The following PPP4R3A variants were observed in gnomAD, a reference collection of about 807,000 sequenced individuals.
PPP4R3A encodes the protein protein phosphatase 4 regulatory subunit 3A, also known as serine/threonine-protein phosphatase 4 regulatory subunit 3A.
In PPP4R3A, 15 loss-of-function variants were observed where a neutral mutation model predicts 91.7. The ratio of observed to expected loss-of-function variants is 0.16; its 90% CI spans 0.11 to 0.25. PPP4R3A has a LOEUF of 0.25. Among genes scored for constraint, PPP4R3A ranks in the 10% least tolerant of loss-of-function variants. The probability of loss-of-function intolerance (pLI) is 1.00; values close to 1 mark genes in which losing one functional copy is unlikely to be tolerated. For synonymous variants in PPP4R3A, 377 were observed against 348.7 expected, an observed-to-expected ratio of 1.08 and a Z score of -0.91; for missense variants, 623 against 998.4, an observed-to-expected ratio of 0.62 and a Z score of 5.07.
intron 10 of PPP4R3A, among the ~76,000 whole-genome samples, chr14:91,470,209 T>C (rs557708629): frequency 1.1e-4 from 17 of 152,338 alleles, no homozygotes; most frequent in Middle Eastern, 3.4e-3. Context: ...TTACCTGAGA[T>C]GTCTGGCTGC....
rs1217354049 is a variant in PPP4R3A at position 91,493,327 on chromosome 14, AAAAG to A, written c.143-2529_143-2526del. ...GACTCTGCCTCAAAAAAAAAAAAGAAAAAGAAAGAAAAAATAAATTAGCTGGATG... is the reference window on the plus strand; with the variant it reads ...GACTCTGCCTCAAAAAAAAAAAAGAAAAAGAAAAAATAAATTAGCTGGATG... On this transcript the variant is annotated intron_variant, in intron 1 of 14. Coordinates refer to ENST00000554943, the MANE Select transcript of PPP4R3A (RefSeq NM_001366432.2). 4.0e-5 allele frequency among the ~76,000 whole-genome samples: 6 copies of A among 150,862 alleles called. No homozygotes were observed. In the South Asian group the frequency reaches 1.0e-3, roughly 26 times the overall value.
chr14:91,476,033 T>G (rs1889184355), intron 6 of PPP4R3A, 67 bp from the exon 7 acceptor site: 1 of 1,416,408 alleles, frequency 7.1e-7, no homozygotes, highest in South Asian at 1.7e-5. Flanking sequence ...TATGTAAATA[T>G]CCAAACCTAA....
chr14:91,494,440 C>T (rs28378980), intron 1 of PPP4R3A, among the ~76,000 whole-genome samples: 74,738 of 152,008 alleles, frequency 0.49, 18,702 homozygotes, highest in Admixed American at 0.53. Flanking sequence ...ATATAAAGGA[C>T]TCTTACAACT....
chr14:91,458,930 T>C, intron 14 of PPP4R3A, 61 bp from the exon 15 acceptor site: 1 of 1,505,254 alleles, frequency 6.6e-7, no homozygotes, highest in East Asian at 2.5e-5. Context: ...ACACTGGTGT[T>C]TTCTGGCTGG....
At chr14:91,490,932 C>A in intron 1 of PPP4R3A, 130 bp from the exon 2 acceptor site, 1 of 351,672 alleles carries the variant, frequency 2.8e-6, no homozygotes. Context: ...TGAGACAGGG[C>A]TTCTCTCTGT....
intron 1 of PPP4R3A, among the ~76,000 whole-genome samples, chr14:91,507,027 T>C (rs1027049477): frequency 6.6e-6 from 1 of 151,974 alleles, no homozygotes; most frequent in Non-Finnish European, 1.5e-5. Context: ...ATGGTAAAAA[T>C]ATAAATGGAG....
Position 91,473,085 on chromosome 14 carries a change from A to G in PPP4R3A, c.1449T>C (p.His483=). The G allele has an allele frequency of 6.2e-7, 1 of 1,614,176 alleles. No individual in the cohort carries two copies. The highest frequency in any genetic ancestry group is 8.5e-7 in the Non-Finnish European group (1 of 1,180,022). Residue 483 remains histidine, a synonymous_variant, in exon 9 of 15, where the codon CAT becomes CAC. Transcript: ENST00000554943. ...TTGCTAGTAAAGGAGCAGTGAGAAC[A>G]TGCATACAGTGCTTGTAGAAGAAAC... The part of the protein sequence containing the change: ...FLGFFYKHCM[H]VLTAPLLANT...
chr14:91,489,272 A>G (rs539650199), intron 2 of PPP4R3A, among the ~76,000 whole-genome samples: 3 of 152,292 alleles, frequency 2.0e-5, no homozygotes, highest in South Asian at 4.1e-4. Flanking sequence ...GGGTGAAAGG[A>G]ACAACCTGCC....
At chr14:91,506,933 G>C (rs1395738031) in intron 1 of PPP4R3A, among the ~76,000 whole-genome samples, 2 of 152,138 alleles carry the variant, frequency 1.3e-5, no homozygotes, top group Non-Finnish European at 2.9e-5. Flanking sequence ...CTCCCTGCTA[G>C]ATAAAAATTA....
chr14:91,507,212 T>G (rs55644249), intron 1 of PPP4R3A, among the ~76,000 whole-genome samples: 3,450 of 150,840 alleles, frequency 0.023, 139 homozygotes, highest in African/African-American at 0.079. Flanking sequence ...TCCCAGCTAC[T>G]AAGGAGGCTG....
Position 91,470,745 on chromosome 14 carries a change from C to A in PPP4R3A, c.1660+92G>T, listed in dbSNP as rs549694494. ...TAGTATTACGACCTAGATCTCCTGA[C>A]CTGTAATCAGTGGTCTTTTCATTTG... On this transcript the variant is annotated intron_variant, in intron 10 of 14. Transcript: ENST00000554943. The A allele has an allele frequency of 6.3e-6, 9 of 1,428,222 alleles. No homozygotes were observed. In the African/African-American group the frequency reaches 1.2e-4, roughly 18 times the overall value. The allele number at this position is 1,428,222 out of a possible 1,614,324, so 88.5% of individuals were successfully genotyped here.
intron 2 of PPP4R3A, among the ~76,000 whole-genome samples, chr14:91,488,915 T>C (rs556931250): frequency 6.7e-6 from 1 of 149,492 alleles, no homozygotes; most frequent in Non-Finnish European, 1.5e-5. Context: ...CACTTTTTTT[T>C]TTTTTTTTTT....
At position 91,504,936 on chromosome 14, in the gene PPP4R3A, G is replaced by A. The variant is rs1303179509; in HGVS notation, c.142+4570C>T. On this transcript the variant is annotated intron_variant, in intron 1 of 14. Coordinates refer to ENST00000554943, the MANE Select transcript of PPP4R3A (RefSeq NM_001366432.2). ...GAGATAGCATTATTATAGCTTCCCC[G>A]TCCACAAATATAGACCCAATAATGA... Among the ~76,000 whole-genome samples the A allele has an allele frequency of 3.3e-5, 5 of 152,182 alleles. No individual in the cohort carries two copies. The South Asian group carries it at 1.0e-3, about 32-fold the overall frequency.
intron 10 of PPP4R3A, among the ~76,000 whole-genome samples, chr14:91,465,626 C>T (rs550017668): frequency 6.6e-6 from 1 of 152,212 alleles, no homozygotes; most frequent in Admixed American, 6.5e-5. Context: ...TAGTATATGT[C>T]ATCATAGAAC....
intron 4 of PPP4R3A, 106 bp from the exon 5 acceptor site, chr14:91,477,092 T>G: frequency 1.3e-6 from 1 of 767,640 alleles, no homozygotes. Flanking sequence ...AAAGGAAAGG[T>G]GGTATTGGCA....
chr14:91,475,956 T>C lies in PPP4R3A; in HGVS notation c.1121A>G (p.Asp374Gly). The C allele has an allele frequency of 6.3e-7, 1 of 1,582,648 alleles. No homozygotes were observed. The highest frequency in any genetic ancestry group is 8.5e-7 in the Non-Finnish European group (1 of 1,170,630). ...AGTAGCAGCACTTCGCACCTGTGTA[T>C]CATCCATGCCCTGCAGACAAAAAAC... ...PALEVILGMD[D>G]TQVRSAATDI... The change falls in exon 7 of 15, where the codon GAT becomes GGT. Residue 374 changes from aspartate to glycine, a missense_variant. This residue lies in a region of PPP4R3A where 264 missense variants were observed against 377.3 expected (regional missense o/e 0.70). Transcript: ENST00000554943.
At chr14:91,504,436 T>C (rs1026551311) in intron 1 of PPP4R3A, among the ~76,000 whole-genome samples, 1 of 151,440 alleles carries the variant, frequency 6.6e-6, no homozygotes, top group Non-Finnish European at 1.5e-5. Flanking sequence ...ACCTCGTCTC[T>C]ACTAAAAACA....
chr14:91,492,192 CTTATCAA>C (rs1263884043), intron 1 of PPP4R3A, among the ~76,000 whole-genome samples: 1 of 152,184 alleles, frequency 6.6e-6, no homozygotes, highest in African/African-American at 2.4e-5. Context: ...CCCCTCTCCT[CTTATCAA>C]CCAGTTCTAG....
intron 1 of PPP4R3A, among the ~76,000 whole-genome samples, chr14:91,506,107 G>C (rs1386205124): frequency 6.6e-6 from 1 of 152,062 alleles, no homozygotes; most frequent in African/African-American, 2.4e-5. Context: ...CACCACACCT[G>C]GCTACATTTT....
Sources: gnomAD v4.1 joint callset for allele counts (sites outside exome capture counted in the v4.1 genomes callset) on GRCh38, gnomAD v4.1.1 for gene constraint, gnomAD v4.1.1 regional missense constraint, MANE v1.5 for transcripts, NCBI Gene and HGNC (gene_info 2026-07-23, HGNC 2026-07-21) for gene names.